Variants in ZDHHC7 observed in about 807,000 individuals in gnomAD.
ZDHHC7 encodes the protein palmitoyltransferase ZDHHC7.
Under a neutral mutation model 34.1 loss-of-function variants are expected in ZDHHC7, and 12 were observed. The ratio of observed to expected loss-of-function variants is 0.35; its 90% CI spans 0.23 to 0.57. The LOEUF (loss-of-function observed/expected upper bound fraction) is 0.57, where lower values mean the gene tolerates loss of function less well. ZDHHC7 is among the 20% of genes least tolerant of loss of function. ZDHHC7 has a pLI of 0.84. For missense variants in ZDHHC7, 388 were observed against 402.7 expected (o/e 0.96, Z 0.31); for synonymous variants, 185 against 155.4 (o/e 1.19, Z -1.42).
In ZDHHC7 at chr16:84,998,490, T is replaced by C. The variant is rs77460567; in HGVS notation, c.-103-2483A>G. 1.3e-4 allele frequency among the ~76,000 whole-genome samples: 20 copies of C among 152,202 alleles called. No individual in the cohort carries two copies. In the East Asian group the frequency reaches 3.7e-3, roughly 28 times the overall value. On this transcript the variant is annotated intron_variant, in intron 1 of 7. Transcript: ENST00000313732. ...GTCAACCCCCAGCTACTGTCTGTTG[T>C]CTGAAACCAAGAGCCCTGACTAGTT...
intron 5 of ZDHHC7, 77 bp downstream of exon 5, chr16:84,979,111 AT>A (rs2072334886): frequency 1.4e-6 from 2 of 1,412,320 alleles, no homozygotes; most frequent in Non-Finnish European, 1.9e-6. Flanking sequence ...ACGTTAGTAG[AT>A]TTCTCTGCTC....
the ZDHHC7 span, among the ~76,000 whole-genome samples, chr16:85,025,287 A>C: frequency 6.6e-6 from 1 of 151,900 alleles, no homozygotes; most frequent in Non-Finnish European, 1.5e-5. Context: ...AAAAGAGCCT[A>C]ATCTGAGACT....
chr16:85,018,437 C>T, the ZDHHC7 span, among the ~76,000 whole-genome samples: 22 of 147,186 alleles, frequency 1.5e-4, no homozygotes, highest in Admixed American at 4.8e-4. Flanking sequence ...CAGTTATGTA[C>T]ACTTATTTGT....
chr16:85,011,536 G>A (rs1052966832), upstream of ZDHHC7: 2 of 152,384 alleles, frequency 1.3e-5, no homozygotes, highest in East Asian at 3.9e-4. Flanking sequence ...CGCCGGAAGT[G>A]AACCCGACGA....
chr16:84,988,868 T>G (rs1308294131), intron 3 of ZDHHC7: 1 of 1,551,594 alleles, frequency 6.4e-7, no homozygotes, highest in African/African-American at 1.4e-5. Context: ...AGTCACTGGA[T>G]TTTTCCTACA....
chr16:84,991,371 C>G (rs1290369713), intron 2 of ZDHHC7, among the ~76,000 whole-genome samples: 1 of 152,128 alleles, frequency 6.6e-6, no homozygotes, highest in Admixed American at 6.5e-5. Flanking sequence ...CTGCAACCTC[C>G]GTCTCCCAGG....
At chr16:84,986,606 T>C (rs2072440326) in intron 3 of ZDHHC7, among the ~76,000 whole-genome samples, 1 of 152,132 alleles carries the variant, frequency 6.6e-6, no homozygotes, top group Non-Finnish European at 1.5e-5. Context: ...AAGCCTGGGA[T>C]CAAAGTTGCA....
the ZDHHC7 span, among the ~76,000 whole-genome samples, chr16:85,024,653 G>A: frequency 2.0e-5 from 3 of 152,184 alleles, no homozygotes. Context: ...GATATCTGTA[G>A]CTTTTCCCTG....
intron 1 of ZDHHC7, among the ~76,000 whole-genome samples, chr16:84,996,845 G>A (rs2072585031): frequency 1.3e-5 from 2 of 152,062 alleles, no homozygotes; most frequent in African/African-American, 2.4e-5. Context: ...TGGCCAAGAT[G>A]GTGAAACCCC....
At chr16:84,989,501 G>A (rs2072479922) in intron 3 of ZDHHC7, among the ~76,000 whole-genome samples, 1 of 152,046 alleles carries the variant, frequency 6.6e-6, no homozygotes, top group Non-Finnish European at 1.5e-5. Flanking sequence ...TTCAAGACCA[G>A]CCTGATCAAC....
At chr16:85,020,528 A>G in the ZDHHC7 span, among the ~76,000 whole-genome samples, 2 of 152,204 alleles carry the variant, frequency 1.3e-5, no homozygotes, top group Non-Finnish European at 2.9e-5. Context: ...AGGATGTGAC[A>G]TGTGAAAGAC....
chr16:84,978,066 C>A, intron 5 of ZDHHC7, 61 bp from the exon 6 acceptor site: 1 of 1,361,982 alleles, frequency 7.3e-7, no homozygotes, highest in African/African-American at 1.5e-5. Context: ...GAAACAGAGT[C>A]TCCCTCTGTT....
intron 5 of ZDHHC7, chr16:84,978,217 G>A (rs2072323473): frequency 4.6e-6 from 2 of 430,112 alleles, no homozygotes; most frequent in Non-Finnish European, 4.2e-6. Context: ...ATTTTTAGTA[G>A]AGATGGGGTT....
intron 4 of ZDHHC7, among the ~76,000 whole-genome samples, chr16:84,980,395 C>T (rs1011926560): frequency 1.3e-5 from 2 of 151,904 alleles, no homozygotes; most frequent in Non-Finnish European, 2.9e-5. Context: ...ATAGGTCAGG[C>T]GAGGTGGCTC....
intron 6 of ZDHHC7, 196 bp from the exon 7 acceptor site, chr16:84,977,421 G>C (rs1420006540): frequency 1.6e-6 from 1 of 624,360 alleles, no homozygotes; most frequent in Non-Finnish European, 2.7e-6. Flanking sequence ...TTCATACCAT[G>C]ACTTCCTGGC....
chr16:85,002,441 T>G (rs2072665698), intron 1 of ZDHHC7, among the ~76,000 whole-genome samples: 1 of 152,192 alleles, frequency 6.6e-6, no homozygotes, highest in African/African-American at 2.4e-5. Flanking sequence ...ACAGGCCCTC[T>G]AACTGCATCA....
the ZDHHC7 span, among the ~76,000 whole-genome samples, chr16:85,021,081 A>C: frequency 6.7e-6 from 1 of 149,904 alleles, no homozygotes; most frequent in African/African-American, 2.5e-5. Context: ...CTCCAGCCTA[A>C]GTGACAGAGC....
intron 3 of ZDHHC7, 65 bp downstream of exon 3, chr16:84,990,239 C>A (rs2072490398): frequency 6.4e-7 from 1 of 1,554,716 alleles, no homozygotes; most frequent in Admixed American, 1.8e-5. Flanking sequence ...TCCAAAGGGT[C>A]AGCCACACCC....
intron 6 of ZDHHC7, among the ~76,000 whole-genome samples, chr16:84,977,638 A>G: frequency 6.6e-6 from 1 of 152,136 alleles, no homozygotes; most frequent in East Asian, 1.9e-4. Flanking sequence ...ACGAGCACCT[A>G]TTTTCACTAC....
Sources: allele counts gnomAD v4.1 joint callset (sites outside exome capture counted in the v4.1 genomes callset), GRCh38; gene constraint gnomAD v4.1.1; transcripts MANE v1.5; gene names NCBI Gene and HGNC (gene_info 2026-07-23, HGNC 2026-07-21).